Variants in CNTNAP2 observed in about 807,000 individuals in gnomAD.
CNTNAP2 encodes the protein contactin associated protein 2.
CNTNAP2 carries 98 observed loss-of-function variants against 155.2 expected under a neutral mutation model. The ratio of observed to expected loss-of-function variants is 0.63; its 90% CI spans 0.54 to 0.75. CNTNAP2 has a LOEUF of 0.75. CNTNAP2 is among the 30% of genes least tolerant of loss of function. The pLI, the probability that CNTNAP2 is intolerant of heterozygous loss-of-function variation, is 0.00. For synonymous variants in CNTNAP2, 651 were observed against 631.2 expected (o/e 1.03, Z -0.47); for missense variants, 1,727 against 1,688.1 (o/e 1.02, Z -0.40).
In CNTNAP2 at chr7:146,876,197, G is replaced by A. The variant is rs141959418; in HGVS notation, c.402+36293G>A. 2.4e-4 allele frequency among the ~76,000 whole-genome samples: 37 copies of A among 151,976 alleles called. No individual in the cohort carries two copies. In the East Asian group the frequency reaches 6.3e-3, roughly 26 times the overall value. ...TGACTCTTAGGGAGTTCATGGGATCGTCACCAAATCTATTCTTGCATCACC... is the reference window on the plus strand; with the variant it reads ...TGACTCTTAGGGAGTTCATGGGATCATCACCAAATCTATTCTTGCATCACC... On this transcript the variant is annotated intron_variant, in intron 3 of 23. Transcript: ENST00000361727.
intron 21 of CNTNAP2, among the ~76,000 whole-genome samples, chr7:148,303,574 A>G (rs1054429071): frequency 3.3e-5 from 5 of 152,226 alleles, no homozygotes; most frequent in East Asian, 1.9e-4. Flanking sequence ...TGAGAATGCA[A>G]TAGTGAGAAT....
chr7:147,174,148 T>C (rs946249893), intron 8 of CNTNAP2, among the ~76,000 whole-genome samples: 14 of 152,136 alleles, frequency 9.2e-5, no homozygotes, highest in African/African-American at 3.4e-4. Context: ...AGCAGCATTA[T>C]ACTGTAGTTT....
rs1184507907 is a variant in CNTNAP2, at chr7:148,365,960, GTATACA to G, written c.3476-17687_3476-17682del. Among the ~76,000 whole-genome samples the G allele has an allele frequency of 2.4e-3, 8 of 3,400 alleles. 4 individuals are homozygous for G. The highest frequency in any genetic ancestry group is 3.2e-3 in the African/African-American group (8 of 2,500). 2.2% of individuals were successfully genotyped at this position (3,400 alleles called of 152,430 possible). A position where few individuals can be genotyped will look rare whatever the true frequency, so the allele number is the denominator to read the frequency against. ...TGCATGTATACATGCGTGTATGCAT[GTATACA>G]TGTGTGTATGCATGTATACATGTGT... On this transcript the variant is annotated intron_variant, in intron 21 of 23. Coordinates refer to ENST00000361727, the MANE Select transcript of CNTNAP2 (RefSeq NM_014141.6).
chr7:146,216,653 T>A (rs2116890405), intron 1 of CNTNAP2, among the ~76,000 whole-genome samples: 1 of 152,316 alleles, frequency 6.6e-6, no homozygotes, highest in Admixed American at 6.5e-5. Flanking sequence ...ATCCCATGCT[T>A]ATTGATTCTC....
intron 8 of CNTNAP2, among the ~76,000 whole-genome samples, chr7:147,155,522 T>C (rs570031303): frequency 3.5e-4 from 54 of 152,206 alleles, no homozygotes; most frequent in South Asian, 6.2e-4. Flanking sequence ...GCATAGCTGA[T>C]ATGAATGTTG....
At chr7:146,514,769 A>T (rs563774795) in intron 1 of CNTNAP2, among the ~76,000 whole-genome samples, 1 of 151,632 alleles carries the variant, frequency 6.6e-6, no homozygotes, top group African/African-American at 2.4e-5. Context: ...TTTCTTATAT[A>T]TGTACATCTA....
chr7:147,299,379 C>A (rs1006255149), intron 8 of CNTNAP2, among the ~76,000 whole-genome samples: 3 of 151,106 alleles, frequency 2.0e-5, no homozygotes, highest in Admixed American at 2.0e-4. Context: ...ATCGTTGTAT[C>A]AAGCAACAAT....
intron 10 of CNTNAP2, among the ~76,000 whole-genome samples, chr7:147,485,210 A>G (rs1256305775): frequency 6.6e-6 from 1 of 152,230 alleles, no homozygotes; most frequent in Admixed American, 6.5e-5. Flanking sequence ...ATACTTCATG[A>G]ACATTATCCT....
At chr7:147,311,024 G>T (rs1297489539) in intron 9 of CNTNAP2, among the ~76,000 whole-genome samples, 1 of 152,172 alleles carries the variant, frequency 6.6e-6, no homozygotes, top group Non-Finnish European at 1.5e-5. Context: ...CATCTGTGGG[G>T]TGGTGCAGGA....
chr7:147,219,248 G>A (rs921757830), intron 8 of CNTNAP2, among the ~76,000 whole-genome samples: 1 of 152,132 alleles, frequency 6.6e-6, no homozygotes, highest in Admixed American at 6.5e-5. Context: ...AGTTTATTAG[G>A]ATAATTGACT....
intron 13 of CNTNAP2, among the ~76,000 whole-genome samples, chr7:147,750,923 C>T (rs2116502578): frequency 6.6e-6 from 1 of 152,158 alleles, no homozygotes; most frequent in South Asian, 2.1e-4. Context: ...GCCTGAAGTC[C>T]CAGCTACTCA....
At chr7:146,643,535 C>A (rs889408155) in intron 1 of CNTNAP2, among the ~76,000 whole-genome samples, 113 of 151,946 alleles carry the variant, frequency 7.4e-4, no homozygotes, top group African/African-American at 2.6e-3. Flanking sequence ...GTTTTGGTAC[C>A]AGTACCATGC....
At chr7:147,763,928 C>T (rs924475722) in intron 13 of CNTNAP2, among the ~76,000 whole-genome samples, 8 of 152,188 alleles carry the variant, frequency 5.3e-5, no homozygotes, top group Admixed American at 3.9e-4. Flanking sequence ...TGATAAGGTG[C>T]GTGCCATTCC....
At chr7:146,672,407 G>A (rs533913065) in intron 1 of CNTNAP2, among the ~76,000 whole-genome samples, 16 of 152,272 alleles carry the variant, frequency 1.1e-4, no homozygotes, top group African/African-American at 3.9e-4. Flanking sequence ...GTGAGAACGG[G>A]AGCTTTAAAA....
At chr7:147,645,897 A>G (rs1392236004) in intron 13 of CNTNAP2, among the ~76,000 whole-genome samples, 1 of 152,326 alleles carries the variant, frequency 6.6e-6, no homozygotes, top group Non-Finnish European at 1.5e-5. Context: ...GGAGTAGTGA[A>G]CTTGAAGGTG....
chr7:146,782,300 A>C (rs183509718), intron 2 of CNTNAP2: 1 of 152,340 alleles, frequency 6.6e-6, no homozygotes, highest in East Asian at 1.9e-4. Flanking sequence ...GGGAGCAGAA[A>C]AATTCAAAGA....
chr7:146,484,545 G>A (rs1797026579), intron 1 of CNTNAP2, among the ~76,000 whole-genome samples: 1 of 151,968 alleles, frequency 6.6e-6, no homozygotes, highest in African/African-American at 2.4e-5. Context: ...TCACAAAAGA[G>A]TTGGTGAATC....
chr7:147,187,866 C>T (rs925081805), intron 8 of CNTNAP2, among the ~76,000 whole-genome samples: 6 of 152,140 alleles, frequency 3.9e-5, no homozygotes, highest in African/African-American at 1.4e-4. Context: ...TCGAGATCAG[C>T]CTGGGCCACA....
intron 1 of CNTNAP2, among the ~76,000 whole-genome samples, chr7:146,572,346 T>G (rs886728014): frequency 1.3e-5 from 2 of 148,750 alleles, no homozygotes; most frequent in Admixed American, 6.9e-5. Flanking sequence ...AAGCAATGCC[T>G]CCTGAGTTTG....
Sources: gnomAD v4.1 joint callset for allele counts (sites outside exome capture counted in the v4.1 genomes callset) on GRCh38, gnomAD v4.1.1 for gene constraint, MANE v1.5 for transcripts, NCBI Gene and HGNC (gene_info 2026-07-23, HGNC 2026-07-21) for gene names.